The following GALNT17 variants were observed in gnomAD, a reference collection of about 807,000 sequenced individuals.
GALNT17 encodes the protein UDP-GalNAc:polypeptide N-acetylgalactosaminyltransferase-like 3.
In GALNT17, 29 loss-of-function variants were observed where a neutral mutation model predicts 63.7. The observed-to-expected ratio is 0.46, with a 90% confidence interval of 0.34 to 0.62. GALNT17 has a LOEUF of 0.62. GALNT17 is among the 20% of genes least tolerant of loss of function. The probability of loss-of-function intolerance (pLI) is 0.01; values close to 1 mark genes in which losing one functional copy is unlikely to be tolerated. For synonymous variants in GALNT17, 305 were observed against 318.3 expected (o/e 0.96, Z 0.45); for missense variants, 603 against 799.6 (o/e 0.75, Z 2.97).
intron 6 of GALNT17, among the ~76,000 whole-genome samples, chr7:71,632,551 G>T (rs1790467202): frequency 2.0e-5 from 3 of 152,162 alleles, no homozygotes; most frequent in Admixed American, 2.0e-4. Flanking sequence ...CAGCCGAGCT[G>T]AATACATCTA....
At chr7:71,376,573 GTGTGT>G (rs1187823238) in intron 2 of GALNT17, among the ~76,000 whole-genome samples, 1 of 145,438 alleles carries the variant, frequency 6.9e-6, no homozygotes, top group African/African-American at 2.8e-5. Flanking sequence ...GTATGTGTGT[GTGTGT>G]CTGTCTGTGT....
chr7:71,466,529 G>A (rs1054760559), intron 5 of GALNT17, among the ~76,000 whole-genome samples: 1 of 152,170 alleles, frequency 6.6e-6, no homozygotes, highest in Admixed American at 6.5e-5. Context: ...GCTGTTTCTT[G>A]TGGGGGAAAT....
chr7:71,202,222 T>C (rs1170804280), intron 1 of GALNT17, among the ~76,000 whole-genome samples: 1 of 152,204 alleles, frequency 6.6e-6, no homozygotes, highest in African/African-American at 2.4e-5. Context: ...CAGACCTTTA[T>C]TCTGTAGCTT....
At chr7:71,673,016 C>A (rs937981791) in intron 8 of GALNT17, among the ~76,000 whole-genome samples, 13 of 151,452 alleles carry the variant, frequency 8.6e-5, no homozygotes, top group African/African-American at 2.9e-4. Context: ...TTCCCCCTAT[C>A]CGCAAATGAA....
intron 3 of GALNT17, among the ~76,000 whole-genome samples, chr7:71,398,067 C>CA (rs1237417298): frequency 6.6e-6 from 1 of 151,992 alleles, no homozygotes; most frequent in Non-Finnish European, 1.5e-5. Context: ...TATCTTGTCA[C>CA]CATAGTTTTA....
chr7:71,700,595 T>A (rs1791617217), intron 9 of GALNT17, among the ~76,000 whole-genome samples: 1 of 152,156 alleles, frequency 6.6e-6, no homozygotes, highest in Admixed American at 6.5e-5. Context: ...GTGAAAGCTA[T>A]GCTTGGGTTC....
intron 5 of GALNT17, among the ~76,000 whole-genome samples, chr7:71,427,570 G>A (rs890992845): frequency 5.3e-5 from 8 of 151,958 alleles, no homozygotes; most frequent in African/African-American, 1.9e-4. Flanking sequence ...GGGTACTCTC[G>A]ACTTCTGCCT....
chr7:71,331,238 G>A (rs952352931), intron 1 of GALNT17, among the ~76,000 whole-genome samples: 3 of 152,022 alleles, frequency 2.0e-5, no homozygotes, highest in Admixed American at 2.0e-4. Flanking sequence ...CCCTGGGATG[G>A]TATCTCTTAA....
chr7:71,418,264 C>G (rs1786583936), intron 4 of GALNT17, among the ~76,000 whole-genome samples: 1 of 152,318 alleles, frequency 6.6e-6, no homozygotes, highest in South Asian at 2.1e-4. Flanking sequence ...CTTTGCCATT[C>G]AGACGCATTT....
chr7:71,215,399 G>C (rs566777497), intron 1 of GALNT17, among the ~76,000 whole-genome samples: 1 of 152,134 alleles, frequency 6.6e-6, no homozygotes, highest in African/African-American at 2.4e-5. Flanking sequence ...TTTTGAAACG[G>C]TCTTGTATTT....
At chr7:71,701,881 GTATATA>G (rs1209538660) in intron 9 of GALNT17, among the ~76,000 whole-genome samples, 1 of 90,058 alleles carries the variant, frequency 1.1e-5, no homozygotes, top group African/African-American at 4.4e-5. Context: ...ATATATATAT[GTATATA>G]TATATATACA....
chr7:71,197,192 C>CTTTTTTTTT (rs34276195), intron 1 of GALNT17, among the ~76,000 whole-genome samples: 76 of 69,808 alleles, frequency 1.1e-3, no homozygotes, highest in Non-Finnish European at 1.4e-3. Flanking sequence ...CCCTGTTGTG[C>CTTTTTTTTT]TTTTTTTTTT....
intron 2 of GALNT17, among the ~76,000 whole-genome samples, chr7:71,358,494 C>A (rs2116217703): frequency 6.6e-6 from 1 of 152,348 alleles, no homozygotes; most frequent in East Asian, 1.9e-4. Context: ...GTTTCCCCTT[C>A]TGATGGTTCT....
intron 5 of GALNT17, among the ~76,000 whole-genome samples, chr7:71,440,896 A>C (rs1376656746): frequency 6.6e-6 from 1 of 152,204 alleles, no homozygotes; most frequent in Non-Finnish European, 1.5e-5. Flanking sequence ...CTTACCAGTC[A>C]TGCAAGGTGT....
At chr7:71,189,358 T>G (rs1243085140) in intron 1 of GALNT17, among the ~76,000 whole-genome samples, 2 of 152,192 alleles carry the variant, frequency 1.3e-5, no homozygotes, top group Non-Finnish European at 2.9e-5. Flanking sequence ...CTCGGGTATG[T>G]GAAAATGGAA....
At chr7:71,190,806 AT>A (rs143653825) in intron 1 of GALNT17, among the ~76,000 whole-genome samples, 2,686 of 151,624 alleles carry the variant, frequency 0.018, 92 homozygotes, top group East Asian at 0.095. Context: ...TGTATTTTGT[AT>A]TTTTTGTAGA....
intron 1 of GALNT17, among the ~76,000 whole-genome samples, chr7:71,328,212 G>A (rs929062176): frequency 6.6e-6 from 1 of 152,144 alleles, no homozygotes; most frequent in Non-Finnish European, 1.5e-5. Flanking sequence ...CAGCTGTTAG[G>A]TGCAAAAGTT....
intron 1 of GALNT17, among the ~76,000 whole-genome samples, chr7:71,165,872 A>AT (rs1788431442): frequency 2.0e-5 from 3 of 149,860 alleles, no homozygotes; most frequent in Admixed American, 6.6e-5. Flanking sequence ...GTATGTGACT[A>AT]TGTAAATAAA....
intron 1 of GALNT17, among the ~76,000 whole-genome samples, chr7:71,150,492 T>C (rs1055738014): frequency 6.6e-6 from 1 of 151,346 alleles, no homozygotes; most frequent in Non-Finnish European, 1.5e-5. Context: ...ATGCCTTCTC[T>C]CTCTTTTTTT....
Sources: allele counts gnomAD v4.1 joint callset (sites outside exome capture counted in the v4.1 genomes callset), GRCh38; gene constraint gnomAD v4.1.1; transcripts MANE v1.5; gene names NCBI Gene and HGNC (gene_info 2026-07-23, HGNC 2026-07-21).